The following LRRFIP2 variants were observed in gnomAD, a reference collection of about 807,000 sequenced individuals.
LRRFIP2 encodes the protein LRR binding FLII interacting protein 2, also known as leucine-rich repeat flightless-interacting protein 2.
Under a neutral mutation model 125.9 loss-of-function variants are expected in LRRFIP2, and 109 were observed. The ratio of observed to expected loss-of-function variants is 0.87; its 90% CI spans 0.74 to 1.01. LRRFIP2 has a LOEUF of 1.01. Among genes scored for constraint, LRRFIP2 ranks in the 50% least tolerant of loss-of-function variants. The pLI is 0.00. For synonymous variants in LRRFIP2, 291 were observed against 293.1 expected, an observed-to-expected ratio of 0.99 and a Z score of 0.07; for missense variants, 850 against 862.3, an observed-to-expected ratio of 0.99 and a Z score of 0.18.
chr3:37,111,157 A>C, intron 8 of LRRFIP2, 92 bp from the exon 9 acceptor site: 1 of 878,500 alleles, frequency 1.1e-6, no homozygotes, highest in South Asian at 1.5e-5. Context: ...AAAAGGCAAA[A>C]TATGATATTG....
At position 37,066,230 on chromosome 3, in the gene LRRFIP2, C is replaced by T. The variant is rs374886750; in HGVS notation, c.1560G>A (p.Thr520=). The T allele has an allele frequency of 3.3e-5, 53 of 1,613,680 alleles. No homozygotes were observed. The South Asian group carries it at 3.5e-4, about 11-fold the overall frequency. ...ELADLQETVK[T]GEKHGLVIIP... is the part of the protein sequence containing the mutation. Reference sequence around the variant, plus strand: ...CAGGCTAATGCTAACATACCTCTCCCGTCTTCACTGTCTCCTGCAGGTCAG... The same window carrying T: ...CAGGCTAATGCTAACATACCTCTCCTGTCTTCACTGTCTCCTGCAGGTCAG... Residue 520 remains threonine, a synonymous_variant, in exon 22 of 28, where the codon ACG becomes ACA. Coordinates refer to ENST00000336686, the MANE Select transcript of LRRFIP2 (RefSeq NM_006309.4).
Position 37,161,660 on chromosome 3 carries a change from C to T in LRRFIP2, c.-55-12622G>A, listed in dbSNP as rs539480094. On this transcript the variant is annotated intron_variant, in intron 1 of 27. Coordinates refer to ENST00000336686, the MANE Select transcript of LRRFIP2 (RefSeq NM_006309.4). ...ATGGCTGCACAACTTTGTGACTACA[C>T]TAAAAAACCACTGAAAAGGTCACTA... Among the ~76,000 whole-genome samples the T allele has an allele frequency of 5.3e-5, 8 of 151,836 alleles. No homozygotes were observed. The South Asian group carries it at 1.7e-3, about 32-fold the overall frequency.
chr3:37,127,622 T>C lies in LRRFIP2; in HGVS notation c.228+8A>G. ...TCACAACATGCAGGACAGGCAATAC[T>C]GGCCTACCAGCCACTTCTGAATCTG... On this transcript the variant is annotated splice_region_variant and intron_variant, in intron 4 of 27. Transcript: ENST00000336686. 2 of 1,613,556 alleles carry C rather than the reference T, an allele frequency of 1.2e-6. No individual in the cohort carries two copies. The highest frequency in any genetic ancestry group is 1.7e-6 in the Non-Finnish European group (2 of 1,179,520).
chr3:37,072,757 A>C (rs560528073), intron 21 of LRRFIP2, 33 bp downstream of exon 21: 1 of 1,297,856 alleles, frequency 7.7e-7, no homozygotes, highest in East Asian at 2.3e-5. Flanking sequence ...CTCATCAATG[A>C]GCTTCTAACC....
At chr3:37,119,688 T>A (rs2094940473) in intron 6 of LRRFIP2, among the ~76,000 whole-genome samples, 1 of 152,204 alleles carries the variant, frequency 6.6e-6, no homozygotes, top group African/African-American at 2.4e-5. Flanking sequence ...TGAGACAGAG[T>A]ATCACTCTGT....
intron 4 of LRRFIP2, among the ~76,000 whole-genome samples, chr3:37,123,762 A>G (rs1013386127): frequency 5.9e-5 from 9 of 152,134 alleles, no homozygotes; most frequent in Admixed American, 3.9e-4. Flanking sequence ...TCTTCCCTTT[A>G]TTCTAGCCTT....
At chr3:37,081,984 A>G (rs2092684271) in intron 19 of LRRFIP2, among the ~76,000 whole-genome samples, 1 of 152,160 alleles carries the variant, frequency 6.6e-6, no homozygotes, top group Non-Finnish European at 1.5e-5. Context: ...GGAGGGAAAA[A>G]CTAAGTTGGT....
intron 4 of LRRFIP2, among the ~76,000 whole-genome samples, chr3:37,127,338 G>T (rs1464473802): frequency 1.3e-5 from 2 of 152,002 alleles, no homozygotes; most frequent in Non-Finnish European, 2.9e-5. Flanking sequence ...AAAGGGGAGA[G>T]AGAAGGGGGG....
At chr3:37,098,827 C>G (rs1020093147) in intron 15 of LRRFIP2, among the ~76,000 whole-genome samples, 1 of 152,124 alleles carries the variant, frequency 6.6e-6, no homozygotes, top group Non-Finnish European at 1.5e-5. Context: ...TTTGAATAAA[C>G]TGCCTTATCT....
Position 37,058,900 on chromosome 3 carries a change from A to G in LRRFIP2, c.1760T>C (p.Leu587Pro), listed in dbSNP as rs756496475. 1.2e-6 allele frequency: 2 copies of G among 1,613,842 alleles called. No individual in the cohort carries two copies. The highest frequency in any genetic ancestry group is 1.7e-6 in the Non-Finnish European group (2 of 1,179,894). Residue 587 changes from leucine to proline, a missense_variant, in exon 25 of 28, where the codon CTG (leucine) becomes CCG (proline). Leu to Pro is a moderately conservative substitution (Grantham distance 98). Transcript: ENST00000336686. ...TCGTTCCTCCTCTAACTGAAGCTTC[A>G]GTTTTCTAATCTGAAATGAAAATAA... The part of the protein sequence containing the change: ...KEELLSQIRK[L>P]KLQLEEERQK...
chr3:37,168,025 G>A (rs1409300099), intron 1 of LRRFIP2, among the ~76,000 whole-genome samples: 1 of 152,164 alleles, frequency 6.6e-6, no homozygotes, highest in Non-Finnish European at 1.5e-5. Context: ...GTAAATGTTG[G>A]CAAGGATGTG....
At chr3:37,113,533 C>T (rs1186284988) in intron 7 of LRRFIP2, among the ~76,000 whole-genome samples, 1 of 152,058 alleles carries the variant, frequency 6.6e-6, no homozygotes, top group African/African-American at 2.4e-5. Context: ...AACTCTTGGC[C>T]TCAAGTGATC....
chr3:37,169,674 T>C (rs547246405), intron 1 of LRRFIP2, among the ~76,000 whole-genome samples: 1 of 152,342 alleles, frequency 6.6e-6, no homozygotes, highest in South Asian at 2.1e-4. Flanking sequence ...AAAGTGGGCA[T>C]GTAAGGAACA....
chr3:37,101,620 G>A (rs369697020), intron 15 of LRRFIP2, among the ~76,000 whole-genome samples: 30 of 147,630 alleles, frequency 2.0e-4, no homozygotes, highest in East Asian at 1.2e-3. Context: ...AGCTGTGATC[G>A]CACTGCTGCA....
chr3:37,119,439 C>A (rs554732361), intron 6 of LRRFIP2, among the ~76,000 whole-genome samples: 1 of 152,110 alleles, frequency 6.6e-6, no homozygotes, highest in South Asian at 2.1e-4. Flanking sequence ...CTGGTTCTAC[C>A]TTTAAGTTAA....
chr3:37,132,976 C>A (rs2149739599), intron 2 of LRRFIP2, among the ~76,000 whole-genome samples: 2 of 152,318 alleles, frequency 1.3e-5, no homozygotes, highest in South Asian at 4.1e-4. Context: ...GTAATCTCAG[C>A]ACTTTAGGAG....
chr3:37,143,363 G>A (rs1389077639), intron 2 of LRRFIP2: 2 of 155,972 alleles, frequency 1.3e-5, no homozygotes, highest in Non-Finnish European at 2.9e-5. Flanking sequence ...CATGGTCACA[G>A]GACTGGGACA....
At chr3:37,130,626 T>C (rs911123951) in intron 2 of LRRFIP2, among the ~76,000 whole-genome samples, 1 of 152,242 alleles carries the variant, frequency 6.6e-6, no homozygotes, top group Non-Finnish European at 1.5e-5. Context: ...TACGCCATTC[T>C]GAGTAGTATG....
intron 1 of LRRFIP2, among the ~76,000 whole-genome samples, chr3:37,166,094 T>G (rs894413002): frequency 5.9e-5 from 9 of 152,082 alleles, no homozygotes; most frequent in African/African-American, 2.2e-4. Context: ...TCCCAGCACT[T>G]TGGAAGGCAG....
Sources: gnomAD v4.1 joint callset for allele counts (sites outside exome capture counted in the v4.1 genomes callset) on GRCh38, gnomAD v4.1.1 for gene constraint, MANE v1.5 for transcripts, NCBI Gene and HGNC (gene_info 2026-07-23, HGNC 2026-07-21) for gene names.